The following DYRK1A variants were observed in gnomAD, a reference collection of about 807,000 sequenced individuals.
DYRK1A encodes dual specificity tyrosine phosphorylation regulated kinase 1A, also known as dual specificity tyrosine-phosphorylation-regulated kinase 1A.
In DYRK1A, 9 loss-of-function variants were observed where a neutral mutation model predicts 79.7. The ratio of observed to expected loss-of-function variants is 0.11; its 90% CI spans 0.07 to 0.20. The LOEUF (loss-of-function observed/expected upper bound fraction) is 0.20, where lower values mean the gene tolerates loss of function less well. Among genes scored for constraint, DYRK1A ranks in the 10% least tolerant of loss-of-function variants. The probability of loss-of-function intolerance (pLI) is 1.00; values close to 1 mark genes in which losing one functional copy is unlikely to be tolerated. For missense variants in DYRK1A, 622 were observed against 956.0 expected (o/e 0.65, Z 4.61); for synonymous variants, 349 against 329.7 (o/e 1.06, Z -0.63).
rs199562200 is a variant in DYRK1A, at chr21:37,392,301, G to GGC, written c.-77+24674_-77+24675dup. Among the ~76,000 whole-genome samples the GGC allele has an allele frequency of 2.6e-4, 40 of 152,316 alleles. 1 individual carries two copies. The East Asian group carries it at 7.5e-3, about 29-fold the overall frequency. On this transcript the variant is annotated intron_variant, in intron 1 of 11. Transcript: ENST00000647188. ...GTCTTTCCTGACTTTCCTAGAAGGA[G>GGC]GCAGGGGAGAAGTGGAAAGAATAGC... is the stretch of plus-strand genomic sequence containing the variant.
intron 1 of DYRK1A, chr21:37,420,068 T>G (rs1161203291): frequency 4.6e-6 from 1 of 217,150 alleles, no homozygotes; most frequent in African/African-American, 2.3e-5. Context: ...AATAGGCACA[T>G]TTTGAAACTG....
chr21:37,394,285 A>G (rs1036060736), intron 1 of DYRK1A, among the ~76,000 whole-genome samples: 1 of 148,782 alleles, frequency 6.7e-6, no homozygotes, highest in African/African-American at 2.5e-5. Flanking sequence ...GTTTTAGGGT[A>G]CATGTGCACA....
intron 8 of DYRK1A, among the ~76,000 whole-genome samples, chr21:37,495,765 C>T (rs1216709706): frequency 6.6e-6 from 1 of 152,080 alleles, no homozygotes; most frequent in Non-Finnish European, 1.5e-5. Context: ...GTACTCCAGC[C>T]TGGGTGACAG....
At chr21:37,473,035 A>C (rs534058304) in intron 3 of DYRK1A, among the ~76,000 whole-genome samples, 155 bp downstream of exon 3, 10 of 152,256 alleles carry the variant, frequency 6.6e-5, no homozygotes, top group African/African-American at 1.2e-4. Context: ...GTTTGCATTA[A>C]ATTTTTTTTT....
rs767630443 is a variant in DYRK1A, at chr21:37,505,558, G to A, written c.1488G>A (p.Ser496=). The A allele has an allele frequency of 5.0e-6, 8 of 1,608,146 alleles. No homozygotes were observed. The Admixed American group carries it at 5.0e-5, about 10-fold the overall frequency. Residue 496 remains serine, a synonymous_variant, in exon 10 of 12, where the codon TCG becomes TCA. Coordinates refer to ENST00000647188, the MANE Select transcript of DYRK1A (RefSeq NM_001347721.2). ...TSPAMEQSQS[S]GTTSSTSSSS... is the part of the protein sequence containing the mutation. ...CCGCCATGGAGCAGTCTCAGTCTTC[G>A]GGCACCACCTCCAGTACATCGTCAA... is the stretch of plus-strand genomic sequence containing the variant.
chr21:37,450,934 A>G (rs1304592656), intron 2 of DYRK1A, among the ~76,000 whole-genome samples: 1 of 152,228 alleles, frequency 6.6e-6, no homozygotes, highest in African/African-American at 2.4e-5. Flanking sequence ...GACTGCATAT[A>G]CGACAGTATT....
chr21:37,456,669 T>G (rs2051648156), intron 2 of DYRK1A, among the ~76,000 whole-genome samples: 1 of 152,168 alleles, frequency 6.6e-6, no homozygotes, highest in Non-Finnish European at 1.5e-5. Context: ...GGAGGCATGG[T>G]TCAGAGTGGA....
At chr21:37,432,435 T>A (rs547682389) in intron 2 of DYRK1A, among the ~76,000 whole-genome samples, 5 of 152,326 alleles carry the variant, frequency 3.3e-5, no homozygotes, top group Admixed American at 3.3e-4. Context: ...CTTAACGTTT[T>A]TATGAAAGAT....
intron 8 of DYRK1A, among the ~76,000 whole-genome samples, chr21:37,494,299 T>G (rs943134335): frequency 1.3e-5 from 2 of 152,034 alleles, no homozygotes; most frequent in African/African-American, 4.8e-5. Context: ...AGTATCTTTC[T>G]TGGGCTTAAA....
intron 1 of DYRK1A, among the ~76,000 whole-genome samples, chr21:37,400,533 T>C (rs901020964): frequency 1.3e-5 from 2 of 152,242 alleles, no homozygotes; most frequent in Non-Finnish European, 2.9e-5. Flanking sequence ...TAGTGTTAAC[T>C]TGATGATCCA....
chr21:37,403,807 T>G (rs1471110449), intron 1 of DYRK1A, among the ~76,000 whole-genome samples: 1 of 151,480 alleles, frequency 6.6e-6, no homozygotes, highest in Non-Finnish European at 1.5e-5. Context: ...TGTTTTTTTT[T>G]TTTTCTTCTC....
chr21:37,433,595 A>G (rs752375516), intron 2 of DYRK1A, among the ~76,000 whole-genome samples: 1 of 152,228 alleles, frequency 6.6e-6, no homozygotes, highest in African/African-American at 2.4e-5. Flanking sequence ...AAATGTACCA[A>G]AAGTTGTGAA....
At position 37,457,041 on chromosome 21, in the gene DYRK1A, T is replaced by TTACTTACTTACTTACTTACTTAC. The variant is rs1569339620; in HGVS notation, c.11-15642_11-15641insACTTACTTACTTACTTACTTACT. ...ACTTACTTACTTACTTACTTACTTA[T>TTACTTACTTACTTACTTACTTAC]TTATTTATTTATTTATTTATTTATT... is the stretch of plus-strand genomic sequence containing the variant. On this transcript the variant is annotated intron_variant, in intron 2 of 11. Transcript: ENST00000647188. Among the ~76,000 whole-genome samples the TTACTTACTTACTTACTTACTTAC allele has an allele frequency of 1.3e-4, 6 of 46,998 alleles. No homozygotes were observed. In the East Asian group the frequency reaches 1.7e-3, roughly 13 times the overall value. The allele number at this position is 46,998 out of a possible 152,430, so 30.8% of individuals were successfully genotyped here.
At chr21:37,492,709 CA>C (rs1460865812) in intron 7 of DYRK1A, among the ~76,000 whole-genome samples, 1 of 151,640 alleles carries the variant, frequency 6.6e-6, no homozygotes, top group African/African-American at 2.4e-5. Flanking sequence ...ACATTGCTTT[CA>C]ATAGTGTTTT....
intron 1 of DYRK1A, among the ~76,000 whole-genome samples, chr21:37,400,733 G>A (rs1211337484): frequency 6.6e-6 from 1 of 152,178 alleles, no homozygotes; most frequent in Non-Finnish European, 1.5e-5. Flanking sequence ...TGATATGAAT[G>A]ATTGGAATTT....
chr21:37,416,020 G>A (rs1002360465), intron 1 of DYRK1A, among the ~76,000 whole-genome samples: 1 of 152,130 alleles, frequency 6.6e-6, no homozygotes, highest in African/African-American at 2.4e-5. Context: ...AACTATTTCA[G>A]TGATTCTTAA....
chr21:37,426,839 G>A (rs1417193031), intron 2 of DYRK1A, among the ~76,000 whole-genome samples: 1 of 146,878 alleles, frequency 6.8e-6, no homozygotes. Flanking sequence ...AGAATGGCAT[G>A]AACCTGGGAG....
chr21:37,509,385 G>A (rs774731809), intron 11 of DYRK1A, among the ~76,000 whole-genome samples: 1 of 152,170 alleles, frequency 6.6e-6, no homozygotes, highest in African/African-American at 2.4e-5. Context: ...TATTTGCACA[G>A]TATCCCGTTG....
Position 37,472,674 on chromosome 21 carries a change from C to G in DYRK1A, c.11-10C>G. 1 of 1,567,014 alleles carries G rather than the reference C, an allele frequency of 6.4e-7. No homozygotes were observed. Among genetic ancestry groups the G allele is most frequent in the Non-Finnish European group, 8.7e-7 (1 of 1,149,998 alleles). The stretch of plus-strand genomic sequence containing the variant: ...AATATTTCCTTTAAACCTCACTTAT[C>G]TTCTTGTAGGAGGAGAGACTTCAGC... On this transcript the variant is annotated splice_polypyrimidine_tract_variant and intron_variant, in intron 2 of 11. Transcript: ENST00000647188.
Sources: allele counts gnomAD v4.1 joint callset (sites outside exome capture counted in the v4.1 genomes callset), GRCh38; gene constraint gnomAD v4.1.1; transcripts MANE v1.5; gene names NCBI Gene and HGNC (gene_info 2026-07-23, HGNC 2026-07-21).